The following MICAL3 variants were observed in gnomAD, a reference collection of about 807,000 sequenced individuals.
MICAL3 encodes microtubule associated monooxygenase, calponin and LIM domain containing 3, also known as [F-actin]-monooxygenase MICAL3.
In MICAL3, 62 loss-of-function variants were observed where a neutral mutation model predicts 207.4. The observed-to-expected ratio is 0.30, with a 90% CI of 0.24 to 0.37. The LOEUF (loss-of-function observed/expected upper bound fraction) is 0.37, where lower values mean the gene tolerates loss of function less well. Ranked by LOEUF, MICAL3 falls within the 10% of genes least tolerant of loss-of-function variation. The pLI is 1.00. For synonymous variants in MICAL3, 1,077 were observed against 1,069.3 expected (o/e 1.01, Z -0.14); for missense variants, 2,368 against 2,635.6 (o/e 0.90, Z 2.22).
chr22:17,935,938 G>A (rs1010726917), intron 1 of MICAL3, among the ~76,000 whole-genome samples: 3 of 152,188 alleles, frequency 2.0e-5, no homozygotes, highest in African/African-American at 7.2e-5. Context: ...AGATGCTGGA[G>A]AGGATGTGGA....
At chr22:17,932,969 AG>A (rs1400356023) in intron 1 of MICAL3, among the ~76,000 whole-genome samples, 3 of 152,212 alleles carry the variant, frequency 2.0e-5, no homozygotes, top group African/African-American at 7.2e-5. Flanking sequence ...AGATTCATAA[AG>A]CAAGTCCCTA....
At chr22:18,005,682 AT>A (rs1359070081) in intron 1 of MICAL3, 3 of 152,174 alleles carry the variant, frequency 2.0e-5, no homozygotes, top group African/African-American at 7.2e-5. Context: ...CATCTGGCAG[AT>A]TCAATAGCAA....
At chr22:17,845,680 ACATGAGGAGGAAAGG>A (rs1325550297) in intron 19 of MICAL3, among the ~76,000 whole-genome samples, 2 of 152,234 alleles carry the variant, frequency 1.3e-5, no homozygotes, top group African/African-American at 4.8e-5. Flanking sequence ...CAAGATCTGA[ACATGAGGAGGAAAGG>A]CATCACTCAG....
At chr22:17,838,793 C>T (rs114123384) in intron 20 of MICAL3, among the ~76,000 whole-genome samples, 2,201 of 152,214 alleles carry the variant, frequency 0.014, 60 homozygotes, top group African/African-American at 0.05. Context: ...TCTCATCTTC[C>T]AGTCTAACAT....
At chr22:17,999,073 G>A (rs146325089) in intron 1 of MICAL3, among the ~76,000 whole-genome samples, 2 of 152,124 alleles carry the variant, frequency 1.3e-5, no homozygotes, top group South Asian at 2.1e-4. Context: ...GTCAGGCTTC[G>A]ACCATCTGGG....
rs200836673 is a variant in MICAL3 at position 17,879,356 on chromosome 22, T to C, written c.2241+6522A>G. On this transcript the variant is annotated intron_variant, in intron 16 of 31. Transcript: ENST00000441493. ...TTCATGCTCTTTTACCCTCTCATGG[T>C]GGGGGCTCTGCTTGCCACGGTTGTC... 3.1e-4 allele frequency: 503 copies of C among 1,611,526 alleles called. 2 individuals carry two copies. In the African/African-American group the frequency reaches 6.0e-3, roughly 19 times the overall value.
intron 1 of MICAL3, among the ~76,000 whole-genome samples, chr22:17,977,912 C>G (rs1343300191): frequency 6.6e-6 from 1 of 151,966 alleles, no homozygotes; most frequent in East Asian, 1.9e-4. Flanking sequence ...ACCCCAGCTA[C>G]TCGGGAGGCT....
intron 1 of MICAL3, among the ~76,000 whole-genome samples, chr22:17,997,424 A>C (rs1266123643): frequency 6.6e-6 from 1 of 152,022 alleles, no homozygotes; most frequent in Non-Finnish European, 1.5e-5. Flanking sequence ...AGCTCTGATT[A>C]TTTTTTCTAA....
At chr22:17,912,860 T>C (rs1932228586) in intron 1 of MICAL3, among the ~76,000 whole-genome samples, 1 of 152,214 alleles carries the variant, frequency 6.6e-6, no homozygotes, top group Middle Eastern at 3.2e-3. Flanking sequence ...TTCAGGATTA[T>C]GTTGGATAGA....
chr22:17,866,282 C>A (rs1302183807), intron 17 of MICAL3, among the ~76,000 whole-genome samples: 3 of 152,200 alleles, frequency 2.0e-5, no homozygotes, highest in Admixed American at 2.0e-4. Flanking sequence ...GTGCCCAGAG[C>A]AAAGATGTGA....
At chr22:17,954,060 G>A (rs1934494693) in intron 1 of MICAL3, among the ~76,000 whole-genome samples, 2 of 151,912 alleles carry the variant, frequency 1.3e-5, no homozygotes, top group South Asian at 4.2e-4. Context: ...AAATATATGA[G>A]GTGAGAGAGA....
At chr22:17,980,688 C>G (rs1935866317) in intron 1 of MICAL3, among the ~76,000 whole-genome samples, 1 of 152,260 alleles carries the variant, frequency 6.6e-6, no homozygotes, top group South Asian at 2.1e-4. Flanking sequence ...ATGCAACCTA[C>G]AACGAGCAGC....
intron 29 of MICAL3, among the ~76,000 whole-genome samples, chr22:17,792,293 A>G (rs1398656265): frequency 6.6e-6 from 1 of 152,268 alleles, no homozygotes; most frequent in Non-Finnish European, 1.5e-5. Context: ...ATCTCATAAA[A>G]GCTAGGGACT....
chr22:17,998,031 G>A lies in MICAL3; in HGVS notation c.-75+26250C>T, dbSNP rs535856089. Among the ~76,000 whole-genome samples the A allele has an allele frequency of 1.3e-4, 20 of 152,314 alleles. No individual in the cohort carries two copies. The South Asian group carries it at 4.1e-3, about 32-fold the overall frequency. ...AGAAGGAAAACCTGGGCCGGGTGTG[G>A]TGGCTTACGCCTGTAATCTCAGCAC... On this transcript the variant is annotated intron_variant, in intron 1 of 31. Coordinates refer to ENST00000441493, the MANE Select transcript of MICAL3 (RefSeq NM_015241.3).
chr22:17,905,335 G>C (rs1456558142), intron 2 of MICAL3, among the ~76,000 whole-genome samples: 3 of 152,152 alleles, frequency 2.0e-5, no homozygotes, highest in Non-Finnish European at 4.4e-5. Flanking sequence ...AAGAGCCAAA[G>C]TTTTGTGTGC....
intron 21 of MICAL3, among the ~76,000 whole-genome samples, chr22:17,829,493 C>T (rs952146353): frequency 6.6e-6 from 1 of 152,148 alleles, no homozygotes; most frequent in Non-Finnish European, 1.5e-5. Context: ...CTTTATGGTG[C>T]TGGGTGGGAC....
rs770390004 is a variant in MICAL3 at position 17,881,236 on chromosome 22, G to A, written c.2241+4642C>T. The A allele has an allele frequency of 6.2e-6, 10 of 1,612,462 alleles. No individual in the cohort carries two copies. In the Admixed American group the frequency reaches 1.7e-4, roughly 27 times the overall value. On this transcript the variant is annotated intron_variant, in intron 16 of 31. Transcript: ENST00000441493. ...GCCGCCATGTGCCCGACAGGGAGGT[G>A]GAGTAGGGGGAGGAGACAGGGTGAT...
chr22:17,919,417 G>C (rs1364339170), intron 1 of MICAL3, among the ~76,000 whole-genome samples: 1 of 152,024 alleles, frequency 6.6e-6, no homozygotes, highest in African/African-American at 2.4e-5. Context: ...GAAGGGTGAG[G>C]ATTTTTGCCA....
rs117594779 is a variant in MICAL3, at chr22:17,799,361, G to A, written c.5651-8060C>T. Among the ~76,000 whole-genome samples, 1,363 of 152,300 alleles carry A rather than the reference G, an allele frequency of 8.9e-3. 57 individuals carry two copies. In the East Asian group the frequency reaches 0.11, roughly 12 times the overall value. On this transcript the variant is annotated intron_variant, in intron 29 of 31. Coordinates refer to ENST00000441493, the MANE Select transcript of MICAL3 (RefSeq NM_015241.3). ...GGCGCCACTGGGTGGGTTCCAGCCC[G>A]GGTGACAGAGCCAGACCCTGTCTCA...
Sources: gnomAD v4.1 joint callset for allele counts (sites outside exome capture counted in the v4.1 genomes callset) on GRCh38, gnomAD v4.1.1 for gene constraint, MANE v1.5 for transcripts, NCBI Gene and HGNC (gene_info 2026-07-23, HGNC 2026-07-21) for gene names.